The following NFILZ variants were observed in gnomAD, a reference collection of about 807,000 sequenced individuals.
NFILZ encodes the protein NFIL3 like protein.
intron 3 of NFILZ, among the ~76,000 whole-genome samples, chr19:8,660,709 C>A (rs2043026472): frequency 1.3e-5 from 2 of 148,596 alleles, no homozygotes; most frequent in Admixed American, 6.8e-5. Flanking sequence ...GCAGTCTCGG[C>A]TCACTGCAAG....
intron 3 of NFILZ, among the ~76,000 whole-genome samples, chr19:8,648,337 G>A (rs2146145296): frequency 6.6e-6 from 1 of 152,112 alleles, no homozygotes; most frequent in Non-Finnish European, 1.5e-5. Flanking sequence ...ATAAATAAAG[G>A]GAAGGGAAGA....
At chr19:8,676,137 A>G (rs1284331683) in intron 4 of NFILZ, among the ~76,000 whole-genome samples, 3 of 152,104 alleles carry the variant, frequency 2.0e-5, no homozygotes, top group Non-Finnish European at 4.4e-5. Flanking sequence ...TGAGTTGGGT[A>G]GAGGGATGGA....
chr19:8,675,514 A>G (rs1182753527), intron 4 of NFILZ, among the ~76,000 whole-genome samples: 1 of 152,184 alleles, frequency 6.6e-6, no homozygotes, highest in Non-Finnish European at 1.5e-5. Context: ...CTCTACCCCC[A>G]ATTACCAACC....
chr19:8,637,455 A>T (rs1444628336), intron 3 of NFILZ, among the ~76,000 whole-genome samples: 1 of 151,002 alleles, frequency 6.6e-6, no homozygotes, highest in Non-Finnish European at 1.5e-5. Flanking sequence ...TCTACTAAAA[A>T]TACAAAAATT....
At chr19:8,654,444 C>T (rs2042983262) in intron 3 of NFILZ, among the ~76,000 whole-genome samples, 1 of 151,644 alleles carries the variant, frequency 6.6e-6, no homozygotes, top group Non-Finnish European at 1.5e-5. Flanking sequence ...ATGGCGAGGT[C>T]CCATCTCTAC....
At chr19:8,671,479 C>T (rs1250311345) in intron 3 of NFILZ, among the ~76,000 whole-genome samples, 2 of 152,094 alleles carry the variant, frequency 1.3e-5, no homozygotes, top group African/African-American at 4.8e-5. Context: ...AAATTTTCCT[C>T]TATCTCAGTG....
chr19:8,643,999 C>T (rs1389432659), intron 3 of NFILZ, among the ~76,000 whole-genome samples: 34 of 152,164 alleles, frequency 2.2e-4, no homozygotes, highest in Admixed American at 1.8e-3. Flanking sequence ...ATTCCCCCAA[C>T]ACCTCCTTCC....
rs189796973 is a variant in NFILZ at position 8,660,441 on chromosome 19, A to G, written c.-163-14110A>G. 1.8e-3 allele frequency among the ~76,000 whole-genome samples: 272 copies of G among 152,016 alleles called. 1 individual carries two copies. Among genetic ancestry groups the G allele is most frequent in the African/African-American group, 6.2e-3 (259 of 41,458 alleles). On this transcript the variant is annotated intron_variant, in intron 3 of 5. Transcript: ENST00000691075. ...ATACGACCATCGGTAATGATAAAGT[A>G]AGGAAGTTCATCCACGTTGTCTCAA...
intron 3 of NFILZ, among the ~76,000 whole-genome samples, chr19:8,663,638 T>C (rs1555749402): frequency 6.6e-6 from 1 of 151,976 alleles, no homozygotes; most frequent in Non-Finnish European, 1.5e-5. Flanking sequence ...GTCCCACGAA[T>C]GCTGAGTTTG....
At chr19:8,664,398 CG>C (rs2043052107) in intron 3 of NFILZ, among the ~76,000 whole-genome samples, 1 of 150,138 alleles carries the variant, frequency 6.7e-6, no homozygotes, top group African/African-American at 2.4e-5. Context: ...TCCTGGCACT[CG>C]GGACCCCAGA....
intron 3 of NFILZ, among the ~76,000 whole-genome samples, chr19:8,642,534 G>A (rs1555746748): frequency 1.3e-5 from 2 of 152,064 alleles, no homozygotes; most frequent in Non-Finnish European, 2.9e-5. Flanking sequence ...CCATGCATGT[G>A]GCTACAGTTA....
At chr19:8,648,645 C>T (rs1009220185) in intron 3 of NFILZ, among the ~76,000 whole-genome samples, 10 of 151,846 alleles carry the variant, frequency 6.6e-5, no homozygotes, top group African/African-American at 2.2e-4. Context: ...TGGTGAAACC[C>T]CATCTCTGTT....
intron 3 of NFILZ, among the ~76,000 whole-genome samples, chr19:8,662,510 G>A (rs986598484): frequency 5.3e-5 from 8 of 152,124 alleles, no homozygotes; most frequent in Admixed American, 3.3e-4. Context: ...CACGGAGGAG[G>A]CCCATGCGGC....
At chr19:8,633,207 A>C (rs148329733) in intron 2 of NFILZ, among the ~76,000 whole-genome samples, 210 of 152,070 alleles carry the variant, frequency 1.4e-3, no homozygotes, top group Middle Eastern at 6.8e-3. Context: ...TTTTCAGTCG[A>C]GACGGGGTTT....
intron 3 of NFILZ, among the ~76,000 whole-genome samples, chr19:8,653,045 T>TCC (rs1396359598): frequency 0.014 from 891 of 65,558 alleles, 7 homozygotes; most frequent in Non-Finnish European, 0.018. Context: ...TCTTTCTCTC[T>TCC]CTCTCTCTCT....
rs1289393328 is a variant in NFILZ at position 8,679,759 on chromosome 19, C to A, written c.*2124C>A. On this transcript the variant is annotated 3_prime_UTR_variant, in exon 6 of 6. Coordinates refer to ENST00000691075, the MANE Select transcript of NFILZ (RefSeq NM_001378600.1). ...TTCCAGCAGGTGGCTTTTCTCATGT[C>A]ACTGAGCCTCCCTTATACATCTATA... Among the ~76,000 whole-genome samples, 1 of 152,136 alleles carries A rather than the reference C, an allele frequency of 6.6e-6. No individual in the cohort carries two copies. The highest frequency in any genetic ancestry group is 1.5e-5 in the Non-Finnish European group (1 of 68,034).
intron 3 of NFILZ, among the ~76,000 whole-genome samples, chr19:8,644,246 G>A (rs1054489519): frequency 5.9e-5 from 9 of 151,854 alleles, no homozygotes; most frequent in African/African-American, 2.2e-4. Context: ...GATTACAGGC[G>A]ATTGCTACCA....
rs2043132876 is a variant in NFILZ at position 8,679,132 on chromosome 19, GC to G, written c.*1502del. Among the ~76,000 whole-genome samples the G allele has an allele frequency of 6.6e-6, 1 of 150,780 alleles. No individual in the cohort carries two copies. Among genetic ancestry groups the G allele is most frequent in the African/African-American group, 2.5e-5 (1 of 40,798 alleles). On this transcript the variant is annotated 3_prime_UTR_variant, in exon 6 of 6. Transcript: ENST00000691075. ...ATCAGTGTCCTCTCTCTCCCTGGCTGCCCCCTGCCCCTGAGAACCAGGTATA... is the reference window on the plus strand; with the variant it reads ...ATCAGTGTCCTCTCTCTCCCTGGCTGCCCCTGCCCCTGAGAACCAGGTATA...
intron 3 of NFILZ, among the ~76,000 whole-genome samples, chr19:8,663,608 G>T (rs1342525447): frequency 1.3e-5 from 2 of 151,988 alleles, no homozygotes; most frequent in African/African-American, 2.4e-5. Context: ...TTTGATGCTC[G>T]CGGGCGTTGG....
Sources: gnomAD v4.1 joint callset for allele counts (sites outside exome capture counted in the v4.1 genomes callset) on GRCh38, gnomAD v4.1.1 for gene constraint, MANE v1.5 for transcripts, NCBI Gene and HGNC (gene_info 2026-07-23, HGNC 2026-07-21) for gene names.